Variants in FRAS1 observed in about 807,000 individuals in gnomAD.
The protein encoded by FRAS1 is Fraser extracellular matrix complex subunit 1.
Under a neutral mutation model 435.2 loss-of-function variants are expected in FRAS1, and 290 were observed. The observed-to-expected ratio is 0.67, with a 90% confidence interval of 0.61 to 0.73. The LOEUF is 0.73. Among genes scored for constraint, FRAS1 ranks in the 30% least tolerant of loss-of-function variants. FRAS1 has a pLI of 0.00. For missense variants in FRAS1, 4,860 were observed against 5,001.5 expected (o/e 0.97, Z 0.85); for synonymous variants, 1,800 against 1,851.0 (o/e 0.97, Z 0.71).
intron 2 of FRAS1, among the ~76,000 whole-genome samples, chr4:78,174,486 T>A (rs1388201821): frequency 6.6e-6 from 1 of 152,176 alleles, no homozygotes. Context: ...CTCTACAAGA[T>A]CCTTTGTTTT....
At chr4:78,090,241 G>A (rs1047394346) in intron 2 of FRAS1, among the ~76,000 whole-genome samples, 1 of 152,172 alleles carries the variant, frequency 6.6e-6, no homozygotes, top group Non-Finnish European at 1.5e-5. Context: ...AGAGGCATGA[G>A]CCATCAAGTT....
At chr4:78,259,656 T>C (rs1156880170) in intron 6 of FRAS1, among the ~76,000 whole-genome samples, 2 of 148,874 alleles carry the variant, frequency 1.3e-5, no homozygotes, top group Admixed American at 6.8e-5. Flanking sequence ...ATTTTGTAGG[T>C]TGCCTGTTCA....
At chr4:78,252,956 G>C (rs546541301) in intron 5 of FRAS1, among the ~76,000 whole-genome samples, 3 of 152,134 alleles carry the variant, frequency 2.0e-5, no homozygotes, top group African/African-American at 4.8e-5. Flanking sequence ...CGGAAAACAG[G>C]GTTTGAGAGC....
At position 78,429,218 on chromosome 4, in the gene FRAS1, C is replaced by A; in HGVS notation, c.4835C>A (p.Thr1612Asn). ...PRLAVSPGGSTSVGLQVVVRD... is the reference protein window; with the variant it reads ...PRLAVSPGGSNSVGLQVVVRD... ...CTGGCGGTCAGCCCAGGAGGCAGCA[C>A]TTCTGTAGGTAAGAACTGGGAGCCT... Residue 1612 changes from threonine to asparagine, a missense_variant, in exon 36 of 74, where the codon ACT becomes AAT. By Grantham distance (65) the Thr-to-Asn change is moderately conservative. Coordinates refer to ENST00000512123, the MANE Select transcript of FRAS1 (RefSeq NM_025074.7). 1 of 1,607,226 alleles carries A rather than the reference C, an allele frequency of 6.2e-7. No individual in the cohort carries two copies. The highest frequency in any genetic ancestry group is 8.5e-7 in the Non-Finnish European group (1 of 1,177,118).
chr4:78,419,070 T>C lies in FRAS1; in HGVS notation c.4540+7T>C. The C allele has an allele frequency of 6.9e-7, 1 of 1,456,390 alleles. No homozygotes were observed. Among genetic ancestry groups the C allele is most frequent in the Non-Finnish European group, 9.4e-7 (1 of 1,067,414 alleles). The allele number at this position is 1,456,390 out of a possible 1,614,324, so 90.2% of individuals were successfully genotyped here. ...CCTCTGCATCCAAATCAAGGTAAGA[T>C]GTGCAGTAAATGATCTTTTGAGTGA... On this transcript the variant is annotated splice_region_variant and intron_variant, in intron 33 of 73. Transcript: ENST00000512123.
chr4:78,188,283 A>G (rs868324838), intron 2 of FRAS1, among the ~76,000 whole-genome samples: 5 of 10,242 alleles, frequency 4.9e-4, no homozygotes, highest in East Asian at 0.17. Flanking sequence ...CTGTCTGTCT[A>G]TCTATCTATC....
At position 78,259,425 on chromosome 4, in the gene FRAS1, T is replaced by A. The variant is rs1427663557; in HGVS notation, c.603+4050T>A. Reference sequence around the variant, plus strand: ...TGACTGGTGTGAGATGGTATCTCATTGTGGTTTTGATTTGCATTTCTCTGA... The same window carrying A: ...TGACTGGTGTGAGATGGTATCTCATAGTGGTTTTGATTTGCATTTCTCTGA... On this transcript the variant is annotated intron_variant, in intron 6 of 73. Transcript: ENST00000512123. 8.1e-5 allele frequency among the ~76,000 whole-genome samples: 12 copies of A among 148,792 alleles called. No individual in the cohort carries two copies. In the East Asian group the frequency reaches 2.2e-3, roughly 27 times the overall value.
chr4:78,158,970 T>A (rs911903762), intron 2 of FRAS1, among the ~76,000 whole-genome samples: 5 of 152,238 alleles, frequency 3.3e-5, no homozygotes, highest in Non-Finnish European at 7.3e-5. Context: ...GGATCTTTAC[T>A]GTACCTCATT....
chr4:78,175,107 C>T (rs1721708601), intron 2 of FRAS1, among the ~76,000 whole-genome samples: 1 of 152,212 alleles, frequency 6.6e-6, no homozygotes, highest in African/African-American at 2.4e-5. Flanking sequence ...CTGCTCTCCA[C>T]CGGCCCCATC....
intron 18 of FRAS1, among the ~76,000 whole-genome samples, chr4:78,321,058 G>T (rs914163652): frequency 6.6e-6 from 1 of 152,148 alleles, no homozygotes; most frequent in Non-Finnish European, 1.5e-5. Flanking sequence ...TGGGGAATTC[G>T]GAGTGGGTTC....
intron 2 of FRAS1, among the ~76,000 whole-genome samples, chr4:78,099,166 C>G (rs1350952761): frequency 2.0e-5 from 3 of 152,246 alleles, no homozygotes; most frequent in East Asian, 1.9e-4. Flanking sequence ...ATGGGGTGAT[C>G]GAGGAAGAGC....
At chr4:78,169,271 A>T (rs1335869966) in intron 2 of FRAS1, among the ~76,000 whole-genome samples, 1 of 152,134 alleles carries the variant, frequency 6.6e-6, no homozygotes, top group Non-Finnish European at 1.5e-5. Context: ...ACTTTTCATT[A>T]ACCATATTAC....
chr4:78,194,858 C>T (rs192594007), intron 2 of FRAS1, among the ~76,000 whole-genome samples: 71 of 152,212 alleles, frequency 4.7e-4, no homozygotes, highest in South Asian at 4.1e-4. Flanking sequence ...CTGATTTTTA[C>T]GGTTTTCTGT....
chr4:78,124,401 C>T (rs996394631), intron 2 of FRAS1, among the ~76,000 whole-genome samples: 10 of 152,106 alleles, frequency 6.6e-5, no homozygotes, highest in South Asian at 2.1e-4. Flanking sequence ...ATTTTTGCAT[C>T]GATGTTCATC....
intron 2 of FRAS1, among the ~76,000 whole-genome samples, chr4:78,147,166 CT>C (rs567682806): frequency 3.2e-4 from 48 of 152,226 alleles, no homozygotes; most frequent in African/African-American, 1.1e-3. Context: ...TTGTTTTCAT[CT>C]TTTTTTGTTT....
chr4:78,265,146 C>T, intron 7 of FRAS1, 38 bp downstream of exon 7: 1 of 1,402,382 alleles, frequency 7.1e-7, no homozygotes, highest in Non-Finnish European at 1.0e-6. Flanking sequence ...GTTTTGACAT[C>T]CGTTCTCACA....
chr4:78,472,498 AT>A (rs1332807772), intron 52 of FRAS1, among the ~76,000 whole-genome samples, 168 bp downstream of exon 52: 23 of 152,108 alleles, frequency 1.5e-4, no homozygotes, highest in East Asian at 1.9e-4. Flanking sequence ...ATTTCTCCTG[AT>A]TTTTTTCCCT....
intron 6 of FRAS1, among the ~76,000 whole-genome samples, chr4:78,257,160 C>T (rs564608309): frequency 4.8e-4 from 73 of 152,276 alleles, no homozygotes; most frequent in African/African-American, 1.7e-3. Context: ...AAACTGAGGT[C>T]CAGAGAGTGT....
chr4:78,385,727 A>G (rs1042775419), intron 28 of FRAS1, among the ~76,000 whole-genome samples: 5 of 152,098 alleles, frequency 3.3e-5, no homozygotes, highest in African/African-American at 7.2e-5. Flanking sequence ...TCTACTGAAA[A>G]TACAAAAATT....
Sources: gnomAD v4.1 joint callset for allele counts (sites outside exome capture counted in the v4.1 genomes callset) on GRCh38, gnomAD v4.1.1 for gene constraint, MANE v1.5 for transcripts, NCBI Gene and HGNC (gene_info 2026-07-23, HGNC 2026-07-21) for gene names.